The following EIPR1 variants were observed in gnomAD, a reference collection of about 807,000 sequenced individuals.
EIPR1 encodes the protein EARP and GARP complex-interacting protein 1.
In EIPR1, 25 loss-of-function variants were observed where a neutral mutation model predicts 48.1. The observed-to-expected ratio is 0.52, with a 90% CI of 0.38 to 0.73. EIPR1 has a LOEUF of 0.73. EIPR1 is among the 30% of genes least tolerant of loss of function. EIPR1 has a pLI of 0.00. For synonymous variants in EIPR1, 204 were observed against 201.9 expected (o/e 1.01, Z -0.09); for missense variants, 415 against 506.2 (o/e 0.82, Z 1.73).
At chr2:3,367,286 A>G (rs1176965769) in intron 1 of EIPR1, among the ~76,000 whole-genome samples, 1 of 152,210 alleles carries the variant, frequency 6.6e-6, no homozygotes, top group African/African-American at 2.4e-5. Flanking sequence ...TATTGCAGGG[A>G]ATAAATATTT....
intron 3 of EIPR1, among the ~76,000 whole-genome samples, chr2:3,295,755 C>G (rs867770987): frequency 7.3e-6 from 1 of 136,546 alleles, no homozygotes; most frequent in Non-Finnish European, 1.6e-5. Context: ...CCATCCAGCC[C>G]GTCCTCTCTC....
chr2:3,189,271 C>T lies in EIPR1; in HGVS notation c.*63G>A. On this transcript the variant is annotated 3_prime_UTR_variant, in exon 9 of 9. Coordinates refer to ENST00000382125, the MANE Select transcript of EIPR1 (RefSeq NM_003310.5). This position sits in a 1 kb window ranked among gnomAD's most constrained non-coding sequence, Gnocchi z 4.6. ...ACGAGTCACCTCCAAAGAGCTGCGACTGTTTGAGAATCTGCCAAGAGGAAA... is the reference window on the plus strand; with the variant it reads ...ACGAGTCACCTCCAAAGAGCTGCGATTGTTTGAGAATCTGCCAAGAGGAAA... The T allele has an allele frequency of 2.8e-6, 4 of 1,438,286 alleles. 1 individual carries two copies. In the South Asian group the frequency reaches 6.1e-5, roughly 22 times the overall value. The allele number at this position is 1,438,286 out of a possible 1,614,324, so 89.1% of individuals were successfully genotyped here. A position where few individuals can be genotyped will look rare whatever the true frequency, so the allele number is the denominator to read the frequency against.
intron 3 of EIPR1, among the ~76,000 whole-genome samples, chr2:3,281,487 A>G (rs1668009803): frequency 6.6e-6 from 1 of 152,216 alleles, no homozygotes; most frequent in Non-Finnish European, 1.5e-5. Context: ...AAAAAGGCAC[A>G]TAAAAGAGAG....
At chr2:3,341,322 G>C (rs1670241300) in intron 2 of EIPR1, among the ~76,000 whole-genome samples, 1 of 152,144 alleles carries the variant, frequency 6.6e-6, no homozygotes, top group Non-Finnish European at 1.5e-5. Flanking sequence ...CGCAGGCCTG[G>C]AGTTGGCTCA....
chr2:3,372,539 G>A (rs1258157717), intron 1 of EIPR1, among the ~76,000 whole-genome samples: 16 of 152,194 alleles, frequency 1.1e-4, no homozygotes, highest in South Asian at 4.1e-4. Context: ...AAAAAATGAC[G>A]AAGGGGATAT....
intron 1 of EIPR1, among the ~76,000 whole-genome samples, chr2:3,369,590 A>G (rs939407773): frequency 5.3e-5 from 8 of 152,214 alleles, no homozygotes; most frequent in Admixed American, 5.2e-4. Flanking sequence ...TATATCCCAC[A>G]CCTGGCTCGG....
At chr2:3,260,652 T>C (rs950019819) in intron 3 of EIPR1, among the ~76,000 whole-genome samples, 8 of 152,088 alleles carry the variant, frequency 5.3e-5, no homozygotes, top group Admixed American at 1.3e-4. Context: ...AGAATAAATA[T>C]AAAGACCTCC....
intron 3 of EIPR1, among the ~76,000 whole-genome samples, chr2:3,259,605 C>T (rs556811955): frequency 6.6e-6 from 1 of 150,784 alleles, no homozygotes; most frequent in East Asian, 2.0e-4. Flanking sequence ...GAGGAACCTC[C>T]AAGAAAATAT....
chr2:3,255,967 T>A (rs907508320), intron 4 of EIPR1, among the ~76,000 whole-genome samples: 3 of 152,168 alleles, frequency 2.0e-5, no homozygotes, highest in African/African-American at 7.2e-5. Context: ...TGCACAGAGA[T>A]CCTGCATTCG....
chr2:3,344,978 C>T (rs1670357172), intron 2 of EIPR1, among the ~76,000 whole-genome samples: 1 of 152,220 alleles, frequency 6.6e-6, no homozygotes, highest in African/African-American at 2.4e-5. Context: ...GCAATTAAAG[C>T]ATAGGGTATT....
chr2:3,286,731 G>A lies in EIPR1; in HGVS notation c.260-29276C>T, dbSNP rs1029632992. On this transcript the variant is annotated intron_variant, in intron 3 of 8. Coordinates refer to ENST00000382125, the MANE Select transcript of EIPR1 (RefSeq NM_003310.5). This position sits in a 1 kb window ranked among gnomAD's most constrained non-coding sequence, Gnocchi z 4.2. ...GCCAGCCCCTGCGTCCCCACGTGCT[G>A]AGTCCATCCTCCCAGCAGCTCCAAG... 1.3e-5 allele frequency among the ~76,000 whole-genome samples: 2 copies of A among 152,240 alleles called. No homozygotes were observed. Among genetic ancestry groups the A allele is most frequent in the African/African-American group, 2.4e-5 (1 of 41,470 alleles).
intron 1 of EIPR1, among the ~76,000 whole-genome samples, chr2:3,372,802 T>G (rs376952005): frequency 6.6e-6 from 1 of 152,050 alleles, no homozygotes; most frequent in Non-Finnish European, 1.5e-5. Flanking sequence ...ACCAGAGGTA[T>G]AAGGAGGAAC....
At chr2:3,336,459 G>A (rs570571335) in intron 3 of EIPR1, among the ~76,000 whole-genome samples, 1 of 152,270 alleles carries the variant, frequency 6.6e-6, no homozygotes, top group East Asian at 1.9e-4. Flanking sequence ...AGGACATGGG[G>A]CAGCTGTGAA....
chr2:3,259,194 C>G (rs1667251793), intron 3 of EIPR1, among the ~76,000 whole-genome samples: 1 of 152,096 alleles, frequency 6.6e-6, no homozygotes, highest in African/African-American at 2.4e-5. Flanking sequence ...TAAATTGTGG[C>G]TGCACTTCAA....
chr2:3,289,917 C>T (rs929720422), intron 3 of EIPR1, among the ~76,000 whole-genome samples: 4 of 152,254 alleles, frequency 2.6e-5, no homozygotes, highest in African/African-American at 7.2e-5. Flanking sequence ...CCCTTTGTCA[C>T]GGCCTCCAGG....
chr2:3,377,264 A>C (rs781244264), intron 1 of EIPR1: 1 of 214,766 alleles, frequency 4.7e-6, no homozygotes, highest in African/African-American at 2.3e-5. Context: ...AACTCTTCTA[A>C]ATACTTTAAA....
intron 3 of EIPR1, among the ~76,000 whole-genome samples, chr2:3,285,700 C>A (rs1668162623): frequency 7.2e-6 from 1 of 138,598 alleles, no homozygotes; most frequent in African/African-American, 2.7e-5. Context: ...CACCGACTGT[C>A]TCCGGGACCC....
rs115330437 is a variant in EIPR1 at position 3,265,223 on chromosome 2, C to T, written c.260-7768G>A. ...TGCAGGCAGGAGGTGTCTCTGGCAT[C>T]GTCACCCAAAAAAATGAACGAAGCT... is the stretch of plus-strand genomic sequence containing the variant. On this transcript the variant is annotated intron_variant, in intron 3 of 8. Coordinates refer to ENST00000382125, the MANE Select transcript of EIPR1 (RefSeq NM_003310.5). 5.1e-3 allele frequency among the ~76,000 whole-genome samples: 783 copies of T among 152,246 alleles called. 5 individuals carry two copies. The highest frequency in any genetic ancestry group is 0.018 in the African/African-American group (731 of 41,554).
intron 3 of EIPR1, among the ~76,000 whole-genome samples, chr2:3,270,236 C>G (rs1403059694): frequency 2.6e-5 from 4 of 152,330 alleles, no homozygotes; most frequent in Admixed American, 2.6e-4. Context: ...CCATCTGTGC[C>G]CACACGGGTG....
Sources: allele counts gnomAD v4.1 joint callset (sites outside exome capture counted in the v4.1 genomes callset), GRCh38; gene constraint gnomAD v4.1.1; non-coding constraint Gnocchi (gnomAD v3.1); transcripts MANE v1.5; gene names NCBI Gene and HGNC (gene_info 2026-07-23, HGNC 2026-07-21).